Variants in EPB41L4B observed in about 807,000 individuals in gnomAD.
EPB41L4B encodes the protein band 4.1-like protein 4B.
A neutral mutation model predicts 112.5 loss-of-function variants in EPB41L4B; 30 were observed. That is an observed-to-expected ratio of 0.27 (90% CI 0.20 to 0.36). The LOEUF is 0.36. EPB41L4B is among the 10% of genes least tolerant of loss of function. The probability of loss-of-function intolerance (pLI) is 1.00; values close to 1 mark genes in which losing one functional copy is unlikely to be tolerated. For synonymous variants in EPB41L4B, 408 were observed against 439.7 expected (o/e 0.93, Z 0.90); for missense variants, 1,024 against 1,133.3 (o/e 0.90, Z 1.38).
chr9:109,304,516 G>A (rs1312016823), intron 1 of EPB41L4B, among the ~76,000 whole-genome samples: 1 of 152,158 alleles, frequency 6.6e-6, no homozygotes, highest in East Asian at 1.9e-4. Context: ...ATTCTTCCTT[G>A]ATGTTTCATC....
At chr9:109,262,298 C>T (rs1835233202) in intron 6 of EPB41L4B, among the ~76,000 whole-genome samples, 1 of 152,140 alleles carries the variant, frequency 6.6e-6, no homozygotes, top group Non-Finnish European at 1.5e-5. Flanking sequence ...GGACCCAACA[C>T]AGACCATTTC....
At chr9:109,194,498 G>A in intron 20 of EPB41L4B, 101 bp from the exon 21 acceptor site, 1 of 1,276,212 alleles carries the variant, frequency 7.8e-7, no homozygotes, top group Non-Finnish European at 1.1e-6. Flanking sequence ...CCAGGGATGG[G>A]GATTGGGGGT....
chr9:109,264,031 G>A (rs1354919253), intron 5 of EPB41L4B, among the ~76,000 whole-genome samples: 2 of 151,916 alleles, frequency 1.3e-5, no homozygotes, highest in African/African-American at 4.8e-5. Context: ...AGTATGGAGA[G>A]AGAGAGGTAG....
intron 20 of EPB41L4B, among the ~76,000 whole-genome samples, chr9:109,199,498 G>A (rs952566046): frequency 4.6e-5 from 7 of 151,972 alleles, no homozygotes; most frequent in African/African-American, 7.3e-5. Context: ...GTGAAACCCC[G>A]TCTCTACCAA....
At chr9:109,203,219 G>A (rs1564262742) in intron 19 of EPB41L4B, among the ~76,000 whole-genome samples, 1 of 152,174 alleles carries the variant, frequency 6.6e-6, no homozygotes, top group East Asian at 1.9e-4. Flanking sequence ...CTAACAAGAA[G>A]CTCAGCAGGC....
At chr9:109,225,365 T>G (rs1339759070) in intron 15 of EPB41L4B, among the ~76,000 whole-genome samples, 2 of 152,188 alleles carry the variant, frequency 1.3e-5, no homozygotes, top group African/African-American at 4.8e-5. Context: ...TACCCGAGAC[T>G]GGGCAATTTA....
chr9:109,175,596 T>C (rs1195549063), intron 25 of EPB41L4B, among the ~76,000 whole-genome samples: 1 of 151,368 alleles, frequency 6.6e-6, no homozygotes, highest in Non-Finnish European at 1.5e-5. Flanking sequence ...ACTCCTGAAC[T>C]CCTGGCCTCA....
chr9:109,199,117 C>G (rs1176984557), intron 20 of EPB41L4B, among the ~76,000 whole-genome samples: 1 of 152,128 alleles, frequency 6.6e-6, no homozygotes, highest in Middle Eastern at 3.2e-3. Flanking sequence ...CCTAACGATG[C>G]CTAGAACAGT....
Position 109,180,104 on chromosome 9 carries a change from C to T in EPB41L4B, c.2487+2625G>A, listed in dbSNP as rs546162727. 7.9e-5 allele frequency among the ~76,000 whole-genome samples: 12 copies of T among 152,302 alleles called. No individual in the cohort carries two copies. In the South Asian group the frequency reaches 2.1e-3, roughly 26 times the overall value. ...TCCCCTTCCTCCTCTCTCACCCAGC[C>T]CTGCTTGCTTTCCGCATCCCAGTCC... On this transcript the variant is annotated intron_variant, in intron 24 of 25. Transcript: ENST00000374566.
intron 17 of EPB41L4B, among the ~76,000 whole-genome samples, chr9:109,209,824 T>C (rs1163932693): frequency 1.3e-5 from 2 of 152,034 alleles, no homozygotes; most frequent in African/African-American, 4.8e-5. Context: ...AGTTTATAGA[T>C]ACAAAAAACA....
intron 1 of EPB41L4B, among the ~76,000 whole-genome samples, chr9:109,288,925 AGAAAG>A (rs993242693): frequency 1.3e-5 from 2 of 151,696 alleles, no homozygotes; most frequent in African/African-American, 4.8e-5. Context: ...GGAAGGAAAA[AGAAAG>A]GAAAGAAAGT....
intron 15 of EPB41L4B, among the ~76,000 whole-genome samples, chr9:109,226,653 A>AATAT (rs1203207748): frequency 1.3e-3 from 148 of 109,814 alleles, no homozygotes; most frequent in East Asian, 0.01. Context: ...ATATATGAAG[A>AATAT]ATATATATAT....
intron 14 of EPB41L4B, among the ~76,000 whole-genome samples, chr9:109,244,601 G>A (rs10979769): frequency 2.6e-5 from 4 of 151,964 alleles, no homozygotes; most frequent in South Asian, 4.2e-4. Flanking sequence ...ACCACACCCC[G>A]CTAATTTTGA....
rs147366125 is a variant in EPB41L4B at position 109,296,992 on chromosome 9, G to A, written c.307-17071C>T. Among the ~76,000 whole-genome samples, 442 of 152,038 alleles carry A rather than the reference G, an allele frequency of 2.9e-3. 3 individuals are homozygous for A. The highest frequency in any genetic ancestry group is 3.4e-3 in the Non-Finnish European group (228 of 67,986). ...ATTAATATGTTAAAGTCCTAACCCC[G>A]GTACCTTGGAATGTGATTGTGTTTG... On this transcript the variant is annotated intron_variant, in intron 1 of 25. Coordinates refer to ENST00000374566, the MANE Select transcript of EPB41L4B (RefSeq NM_019114.5).
chr9:109,210,315 C>T (rs945664644), intron 17 of EPB41L4B, among the ~76,000 whole-genome samples: 5 of 152,142 alleles, frequency 3.3e-5, no homozygotes, highest in African/African-American at 9.7e-5. Flanking sequence ...CCTGTTACAT[C>T]AAGATAATTG....
chr9:109,262,893 T>A (rs1338319682), intron 6 of EPB41L4B, among the ~76,000 whole-genome samples, 157 bp downstream of exon 6: 5 of 152,178 alleles, frequency 3.3e-5, no homozygotes, highest in Non-Finnish European at 5.9e-5. Flanking sequence ...CTCCTTGCCT[T>A]CCTCACTGGA....
chr9:109,206,229 G>A (rs1033872114), intron 18 of EPB41L4B, among the ~76,000 whole-genome samples: 4 of 151,990 alleles, frequency 2.6e-5, no homozygotes, highest in African/African-American at 9.7e-5. Context: ...TGTTGCCCAG[G>A]CTACAGTGCA....
chr9:109,277,822 G>C (rs933670662), intron 2 of EPB41L4B, among the ~76,000 whole-genome samples: 5 of 152,218 alleles, frequency 3.3e-5, no homozygotes, highest in Admixed American at 2.6e-4. Flanking sequence ...GCCAAGCCCA[G>C]AGGGAGGGGA....
intron 1 of EPB41L4B, 114 bp from the exon 2 acceptor site, chr9:109,280,035 A>C (rs1488736457): frequency 3.0e-6 from 2 of 677,508 alleles, no homozygotes; most frequent in Admixed American, 3.0e-5. Context: ...AGCACACACA[A>C]ATTTTTAAAT....
Sources: allele counts gnomAD v4.1 joint callset (sites outside exome capture counted in the v4.1 genomes callset), GRCh38; gene constraint gnomAD v4.1.1; transcripts MANE v1.5; gene names NCBI Gene and HGNC (gene_info 2026-07-23, HGNC 2026-07-21).